ZMYND11: variants seen among roughly 807,000 people sequenced by gnomAD.
ZMYND11 encodes zinc finger MYND domain-containing protein 11.
Under a neutral mutation model 84.9 loss-of-function variants are expected in ZMYND11, and 9 were observed. That is an observed-to-expected ratio of 0.11 (90% CI 0.06 to 0.18). The LOEUF (loss-of-function observed/expected upper bound fraction) is 0.18, where lower values mean the gene tolerates loss of function less well. Among genes scored for constraint, ZMYND11 ranks in the 10% least tolerant of loss-of-function variants. ZMYND11 has a pLI of 1.00. For synonymous variants in ZMYND11, 250 were observed against 244.1 expected (o/e 1.02, Z -0.23); for missense variants, 409 against 761.0 (o/e 0.54, Z 5.44).
At chr10:193,480 C>A (rs1391627960) in intron 2 of ZMYND11, among the ~76,000 whole-genome samples, 1 of 152,208 alleles carries the variant, frequency 6.6e-6, no homozygotes, top group Admixed American at 6.5e-5. Context: ...ATGTGACATT[C>A]ACTCAACAGT....
At chr10:143,798 C>G (rs951111999) in intron 1 of ZMYND11, among the ~76,000 whole-genome samples, 4 of 152,144 alleles carry the variant, frequency 2.6e-5, no homozygotes, top group African/African-American at 9.7e-5. Context: ...CTTTACGAAG[C>G]CTTTCACTTG....
chr10:221,384 G>A, intron 4 of ZMYND11, 28 bp downstream of exon 4: 1 of 1,598,596 alleles, frequency 6.3e-7, no homozygotes, highest in Non-Finnish European at 8.5e-7. Context: ...TTCCTGTGCT[G>A]GTTAGAGGGT....
rs118018418 is a variant in ZMYND11, at chr10:165,525, C to T, written c.-19-14469C>T. ...ACACCTGAACTTAGTCTGTCTGAAA[C>T]CAAACTCAGCACACAGATACATATA... On this transcript the variant is annotated intron_variant, in intron 1 of 14. Transcript: ENST00000381604. 1.5e-3 allele frequency among the ~76,000 whole-genome samples: 227 copies of T among 152,232 alleles called. 5 individuals carry two copies. In the East Asian group the frequency reaches 0.038, roughly 26 times the overall value.
intron 4 of ZMYND11, among the ~76,000 whole-genome samples, chr10:226,777 A>G (rs1419090086): frequency 6.6e-6 from 1 of 152,164 alleles, no homozygotes; most frequent in Non-Finnish European, 1.5e-5. Flanking sequence ...GATTTTTACA[A>G]TTGCTTGATA....
At chr10:143,061 A>T (rs1837858625) in intron 1 of ZMYND11, among the ~76,000 whole-genome samples, 1 of 152,202 alleles carries the variant, frequency 6.6e-6, no homozygotes, top group Admixed American at 6.5e-5. Context: ...TTGGAAAGGG[A>T]AGTCATTGTC....
chr10:194,386 A>G (rs759173705), intron 2 of ZMYND11, among the ~76,000 whole-genome samples: 5 of 152,174 alleles, frequency 3.3e-5, no homozygotes, highest in Non-Finnish European at 7.4e-5. Context: ...AATTATGGCA[A>G]AACTACAATA....
At chr10:219,086 A>G (rs1946686364) in intron 3 of ZMYND11, among the ~76,000 whole-genome samples, 1 of 152,142 alleles carries the variant, frequency 6.6e-6, no homozygotes, top group Admixed American at 6.5e-5. Flanking sequence ...TTTCTCTTTT[A>G]CTTCATTTGA....
At chr10:200,386 CAATA>C (rs1184343420) in intron 2 of ZMYND11, among the ~76,000 whole-genome samples, 3 of 142,878 alleles carry the variant, frequency 2.1e-5, no homozygotes, top group Admixed American at 7.1e-5. Context: ...GTATATATAA[CAATA>C]TATATTATAT....
At chr10:149,164 C>G (rs1405505761) in intron 1 of ZMYND11, among the ~76,000 whole-genome samples, 1 of 151,864 alleles carries the variant, frequency 6.6e-6, no homozygotes, top group African/African-American at 2.4e-5. Context: ...TGAACCGAAA[C>G]TTGCCCACTC....
At chr10:169,551 G>A (rs1844793390) in intron 1 of ZMYND11, among the ~76,000 whole-genome samples, 1 of 152,078 alleles carries the variant, frequency 6.6e-6, no homozygotes, top group South Asian at 2.1e-4. Flanking sequence ...GCCAAAACAT[G>A]GGCAACAAGA....
intron 1 of ZMYND11, among the ~76,000 whole-genome samples, chr10:174,715 A>AG (rs1341913018): frequency 2.0e-5 from 3 of 151,508 alleles, no homozygotes; most frequent in Non-Finnish European, 4.4e-5. Context: ...TGAGTACTAC[A>AG]GTGGCACATG....
chr10:199,690 C>G (rs1030740646), intron 2 of ZMYND11, among the ~76,000 whole-genome samples: 3 of 152,078 alleles, frequency 2.0e-5, no homozygotes, highest in Admixed American at 2.0e-4. Context: ...GTCTCAGCCT[C>G]CTAAAGTGCT....
intron 1 of ZMYND11, among the ~76,000 whole-genome samples, chr10:144,045 T>G (rs1838118040): frequency 1.3e-5 from 2 of 150,310 alleles, no homozygotes; most frequent in South Asian, 2.1e-4. Flanking sequence ...CATTTGAAAG[T>G]TTTTTTTTAA....
rs759090606 is a variant in ZMYND11, at chr10:240,159, A to AT, written c.753+51dup. The AT allele has an allele frequency of 2.8e-6, 4 of 1,438,964 alleles. No homozygotes were observed. In the Admixed American group the frequency reaches 6.2e-5, roughly 22 times the overall value. 89.1% of individuals were successfully genotyped at this position (1,438,964 alleles called of 1,614,324 possible). On this transcript the variant is annotated intron_variant, in intron 8 of 14. Transcript: ENST00000381604. ...TATACTCTTTCTATAACTGAAATTA[A>AT]TTTATTTCAGGATTCCACTCTTATC...
chr10:149,503 G>A (rs1284551307), intron 1 of ZMYND11, among the ~76,000 whole-genome samples: 6 of 151,672 alleles, frequency 4.0e-5, no homozygotes, highest in East Asian at 3.9e-4. Flanking sequence ...GTAGAGACGG[G>A]GTTTCACCGG....
chr10:141,083 C>G (rs1369242179), intron 1 of ZMYND11, among the ~76,000 whole-genome samples: 2 of 152,104 alleles, frequency 1.3e-5, no homozygotes, highest in Admixed American at 6.5e-5. Context: ...CGCTGAAATA[C>G]ACACAGTATT....
At chr10:139,618 T>A (rs1327031065) in intron 1 of ZMYND11, among the ~76,000 whole-genome samples, 1 of 151,806 alleles carries the variant, frequency 6.6e-6, no homozygotes, top group Non-Finnish European at 1.5e-5. Context: ...AATAATAATA[T>A]ATCATGTATT....
At chr10:187,529 G>A (rs560283932) in intron 2 of ZMYND11, among the ~76,000 whole-genome samples, 111 of 152,160 alleles carry the variant, frequency 7.3e-4, no homozygotes, top group Non-Finnish European at 3.5e-4. Flanking sequence ...AGCTACTCGG[G>A]AGGCTGAGGC....
chr10:230,250 G>A (rs938395176), intron 4 of ZMYND11, among the ~76,000 whole-genome samples: 9 of 151,956 alleles, frequency 5.9e-5, no homozygotes, highest in Non-Finnish European at 1.3e-4. Context: ...CGAGGCGGGC[G>A]GATCATGAGG....
Sources: allele counts gnomAD v4.1 joint callset (sites outside exome capture counted in the v4.1 genomes callset), GRCh38; gene constraint gnomAD v4.1.1; transcripts MANE v1.5; gene names NCBI Gene and HGNC (gene_info 2026-07-23, HGNC 2026-07-21).